Variants in LRRC2 observed in about 807,000 individuals in gnomAD.
LRRC2 encodes leucine rich repeat containing 2.
A neutral mutation model predicts 40.2 loss-of-function variants in LRRC2; 27 were observed. The ratio of observed to expected loss-of-function variants is 0.67; its 90% CI spans 0.49 to 0.93. The LOEUF (loss-of-function observed/expected upper bound fraction) is 0.93, where lower values mean the gene tolerates loss of function less well. LRRC2 is among the 40% of genes least tolerant of loss of function. The pLI is 0.00. For missense variants in LRRC2, 402 were observed against 439.6 expected (o/e 0.91, Z 0.76); for synonymous variants, 147 against 158.9 (o/e 0.92, Z 0.56).
intron 8 of LRRC2, among the ~76,000 whole-genome samples, chr3:46,520,324 T>G (rs1410633323): frequency 6.6e-6 from 1 of 151,670 alleles, no homozygotes; most frequent in Non-Finnish European, 1.5e-5. Flanking sequence ...TACAATATAA[T>G]TACGAATAAA....
At chr3:46,562,707 A>G (rs1704971352) in intron 1 of LRRC2, among the ~76,000 whole-genome samples, 1 of 151,006 alleles carries the variant, frequency 6.6e-6, no homozygotes, top group South Asian at 2.1e-4. Context: ...CTCCATCATA[A>G]TCTAGAAGAT....
intron 4 of LRRC2, among the ~76,000 whole-genome samples, chr3:46,534,413 TTCC>T (rs1375465058): frequency 1.3e-5 from 1 of 79,512 alleles, no homozygotes; most frequent in African/African-American, 3.7e-5. Flanking sequence ...TTCTTTTCTT[TTCC>T]TTCCTTCCTT....
intron 3 of LRRC2, among the ~76,000 whole-genome samples, chr3:46,544,203 T>C (rs994690527): frequency 6.6e-6 from 1 of 151,924 alleles, no homozygotes; most frequent in African/African-American, 2.4e-5. Flanking sequence ...CTGGGCAACC[T>C]GGCAAAACCC....
At position 46,529,897 on chromosome 3, in the gene LRRC2, G is replaced by GT; in HGVS notation, c.773+7dup. 1 of 1,613,994 alleles carries GT rather than the reference G, an allele frequency of 6.2e-7. No homozygotes were observed. Among genetic ancestry groups the GT allele is most frequent in the South Asian group, 1.1e-5 (1 of 91,036 alleles). The stretch of plus-strand genomic sequence containing the variant: ...ACATACACCTCACCTTAGAATGCAA[G>GT]TAGCTACCTGTCTATATCTTGCGGC... On this transcript the variant is annotated splice_region_variant and intron_variant, in intron 6 of 8. Transcript: ENST00000395905.
At position 46,527,422 on chromosome 3, in the gene LRRC2, T is replaced by C; in HGVS notation, c.929+4A>G. On this transcript the variant is annotated splice_donor_region_variant and intron_variant, in intron 7 of 8. Coordinates refer to ENST00000395905, the MANE Select transcript of LRRC2 (RefSeq NM_024512.5). ...GTGTCTACTGGGATTTCCGGGCTAC[T>C]CACTTTAAAGGTGTGGATGAGTCAC... 5 of 1,613,754 alleles carry C rather than the reference T, an allele frequency of 3.1e-6. No homozygotes were observed. Among genetic ancestry groups the C allele is most frequent in the Non-Finnish European group, 4.2e-6 (5 of 1,179,764 alleles).
At chr3:46,535,778 A>G (rs1704258893) in intron 4 of LRRC2, among the ~76,000 whole-genome samples, 1 of 152,210 alleles carries the variant, frequency 6.6e-6, no homozygotes, top group Non-Finnish European at 1.5e-5. Context: ...TCTGATACTG[A>G]AAAATAACAT....
At chr3:46,527,334 A>G in intron 7 of LRRC2, 92 bp downstream of exon 7, 2 of 1,333,874 alleles carry the variant, frequency 1.5e-6, no homozygotes, top group Admixed American at 1.9e-5. Flanking sequence ...AGAGCCATCT[A>G]ATCCGGGTCT....
chr3:46,563,095 C>T (rs73072000), intron 1 of LRRC2, among the ~76,000 whole-genome samples: 2,255 of 142,346 alleles, frequency 0.016, 49 homozygotes, highest in African/African-American at 0.052. Flanking sequence ...CACACACACA[C>T]ATGCATGCAC....
At position 46,527,786 on chromosome 3, in the gene LRRC2, G is replaced by A. The variant is rs567619243; in HGVS notation, c.774-205C>T. 2.0e-5 allele frequency among the ~76,000 whole-genome samples: 3 copies of A among 151,812 alleles called. No homozygotes were observed. In the South Asian group the frequency reaches 6.2e-4, roughly 32 times the overall value. On this transcript the variant is annotated intron_variant, in intron 6 of 8. Coordinates refer to ENST00000395905, the MANE Select transcript of LRRC2 (RefSeq NM_024512.5). ...TATGTTGCCCAGGTTGGAGTGCAGT[G>A]GTACAATCTCGGCTCACTGCAGCCT...
intron 8 of LRRC2, among the ~76,000 whole-genome samples, chr3:46,521,249 T>C (rs1271935459): frequency 6.6e-6 from 1 of 152,234 alleles, no homozygotes; most frequent in Non-Finnish European, 1.5e-5. Flanking sequence ...GTATGGTTAG[T>C]AACGCAACCC....
chr3:46,518,042 A>T lies in LRRC2; in HGVS notation c.*972T>A, dbSNP rs575439400. 6.6e-6 allele frequency: 1 copy of T among 152,370 alleles called. No homozygotes were observed. The highest frequency in any genetic ancestry group is 1.5e-5 in the Non-Finnish European group (1 of 68,074). The allele number at this position is 152,370 out of a possible 1,614,324, so 9.4% of individuals were successfully genotyped here. On this transcript the variant is annotated 3_prime_UTR_variant, in exon 9 of 9. Transcript: ENST00000395905. ...ACTCAGGACTGGATGGCCATCCATGAAGGCCACTGAAGACTTCCCATGAAC... is the reference window on the plus strand; with the variant it reads ...ACTCAGGACTGGATGGCCATCCATGTAGGCCACTGAAGACTTCCCATGAAC...
In LRRC2 at chr3:46,517,278, G is replaced by GTTTTTTTT. The variant is rs757964786; in HGVS notation, c.*1735_*1736insAAAAAAAA. On this transcript the variant is annotated 3_prime_UTR_variant, in exon 9 of 9. Coordinates refer to ENST00000395905, the MANE Select transcript of LRRC2 (RefSeq NM_024512.5). ...TCCTTCTTAGTCACAAAAGCTGCTT[G>GTTTTTTTT]TTTTTGTTTTTTTTTTTTTAGTTAT... The GTTTTTTTT allele has an allele frequency of 8.6e-6, 1 of 116,044 alleles. No homozygotes were observed. The highest frequency in any genetic ancestry group is 2.7e-5 in the African/African-American group (1 of 36,382). 7.2% of individuals were successfully genotyped at this position (116,044 alleles called of 1,614,324 possible).
intron 4 of LRRC2, among the ~76,000 whole-genome samples, chr3:46,535,874 T>A (rs776853104): frequency 1.3e-5 from 2 of 152,214 alleles, no homozygotes; most frequent in Non-Finnish European, 2.9e-5. Flanking sequence ...ATGCTTTCTA[T>A]GTATTATCTA....
chr3:46,543,120 C>G (rs1704433151), intron 3 of LRRC2, among the ~76,000 whole-genome samples: 1 of 152,192 alleles, frequency 6.6e-6, no homozygotes, highest in Non-Finnish European at 1.5e-5. Flanking sequence ...CTGAAATTCA[C>G]TCTAAAGAAT....
At chr3:46,532,317 A>G (rs982586147) in intron 5 of LRRC2, among the ~76,000 whole-genome samples, 2 of 152,300 alleles carry the variant, frequency 1.3e-5, no homozygotes, top group African/African-American at 4.8e-5. Flanking sequence ...AAATGTTTTT[A>G]AAGAAGGGCA....
chr3:46,562,403 C>T (rs1400563253), intron 1 of LRRC2, among the ~76,000 whole-genome samples: 1 of 152,158 alleles, frequency 6.6e-6, no homozygotes, highest in Non-Finnish European at 1.5e-5. Context: ...GCTAAACTGC[C>T]CTGGATTTCT....
intron 3 of LRRC2, among the ~76,000 whole-genome samples, chr3:46,544,745 C>T (rs1704488642): frequency 6.6e-6 from 1 of 152,208 alleles, no homozygotes; most frequent in African/African-American, 2.4e-5. Flanking sequence ...GGCGCCGTCA[C>T]TTAAATTGAT....
chr3:46,530,564 C>T (rs1351693367), intron 5 of LRRC2, among the ~76,000 whole-genome samples: 1 of 152,102 alleles, frequency 6.6e-6, no homozygotes, highest in Admixed American at 6.5e-5. Context: ...AAAGACATAA[C>T]CAATACTGGG....
chr3:46,517,999 A>AG lies in LRRC2; in HGVS notation c.*1014dup, dbSNP rs1334579107. ...TTTGCTCTTTACTGAGGTGTGTCCC[A>AG]GGACCCCCAGGGTGACCACTCAGGA... On this transcript the variant is annotated 3_prime_UTR_variant, in exon 9 of 9. Coordinates refer to ENST00000395905, the MANE Select transcript of LRRC2 (RefSeq NM_024512.5). The AG allele has an allele frequency of 1.3e-5, 2 of 152,294 alleles. No individual in the cohort carries two copies. Among genetic ancestry groups the AG allele is most frequent in the African/African-American group, 2.4e-5 (1 of 41,454 alleles). 9.4% of individuals were successfully genotyped at this position (152,294 alleles called of 1,614,324 possible). A position where few individuals can be genotyped will look rare whatever the true frequency, so the allele number is the denominator to read the frequency against.
Sources: allele counts gnomAD v4.1 joint callset (sites outside exome capture counted in the v4.1 genomes callset), GRCh38; gene constraint gnomAD v4.1.1; transcripts MANE v1.5; gene names NCBI Gene and HGNC (gene_info 2026-07-23, HGNC 2026-07-21).